KANSL1: variants seen among roughly 807,000 people sequenced by gnomAD.
The protein encoded by KANSL1 is MLL1/MLL complex subunit KANSL1.
Under a neutral mutation model 103.6 loss-of-function variants are expected in KANSL1, and 22 were observed. That is an observed-to-expected ratio of 0.21 (90% CI 0.15 to 0.30). The LOEUF is 0.30. KANSL1 is among the 10% of genes least tolerant of loss of function. The pLI is 1.00. For synonymous variants in KANSL1, 600 were observed against 527.6 expected, an observed-to-expected ratio of 1.14 and a Z score of -1.88; for missense variants, 1,337 against 1,399.8, an observed-to-expected ratio of 0.96 and a Z score of 0.72.
chr17:46,189,528 G>A (rs956457061), intron 1 of KANSL1, among the ~76,000 whole-genome samples: 3 of 152,114 alleles, frequency 2.0e-5, no homozygotes, highest in Non-Finnish European at 2.9e-5. Flanking sequence ...TAAACATGGC[G>A]TTTACTATGT....
upstream of KANSL1, among the ~76,000 whole-genome samples, chr17:46,198,784 TTA>T (rs1200022109): frequency 9.9e-5 from 15 of 152,248 alleles, no homozygotes; most frequent in Non-Finnish European, 2.2e-4. Flanking sequence ...ATTCATGAAC[TTA>T]GATAACACTA....
Position 46,192,208 on chromosome 17 carries a change from T to A in KANSL1, c.-90+615A>T, listed in dbSNP as rs2047368994. On this transcript the variant is annotated intron_variant, in intron 1 of 14. Transcript: ENST00000432791. Reference sequence around the variant, plus strand: ...TTTATCGTATGGAAAACAAACTATTTGCTAAGAATCAAAAGACCGTCAGCC... The same window carrying A: ...TTTATCGTATGGAAAACAAACTATTAGCTAAGAATCAAAAGACCGTCAGCC... 2.0e-5 allele frequency among the ~76,000 whole-genome samples: 3 copies of A among 152,046 alleles called. No homozygotes were observed. The South Asian group carries it at 6.2e-4, about 31-fold the overall frequency.
At chr17:46,222,318 G>A (rs891213012) in intron 1 of KANSL1, 17 of 148,698 alleles carry the variant, frequency 1.1e-4, no homozygotes, top group African/African-American at 3.7e-4. Context: ...AAATACATTC[G>A]TTAAAACCTA....
chr17:46,100,732 C>A (rs565546438), intron 2 of KANSL1, among the ~76,000 whole-genome samples: 3 of 152,186 alleles, frequency 2.0e-5, no homozygotes, highest in Non-Finnish European at 4.4e-5. Flanking sequence ...TCACCTAATT[C>A]TATTCTAAGA....
At chr17:46,172,863 T>C (rs1224323901) in intron 1 of KANSL1, among the ~76,000 whole-genome samples, 1 of 152,260 alleles carries the variant, frequency 6.6e-6, no homozygotes, top group African/African-American at 2.4e-5. Context: ...CCTCTCAGCC[T>C]AGGAATTTAC....
At chr17:46,173,454 C>T (rs999043584) in intron 1 of KANSL1, among the ~76,000 whole-genome samples, 5 of 152,198 alleles carry the variant, frequency 3.3e-5, no homozygotes, top group African/African-American at 1.2e-4. Context: ...TCTGTTTGAT[C>T]CCCCTTGATC....
At chr17:46,169,834 T>G (rs2046190197) in intron 2 of KANSL1, among the ~76,000 whole-genome samples, 1 of 152,172 alleles carries the variant, frequency 6.6e-6, no homozygotes, top group South Asian at 2.1e-4. Flanking sequence ...CAATTTGGAG[T>G]GCCACCCATA....
At chr17:46,074,489 T>G (rs1291221274) in intron 4 of KANSL1, among the ~76,000 whole-genome samples, 1 of 152,012 alleles carries the variant, frequency 6.6e-6, no homozygotes, top group Non-Finnish European at 1.5e-5. Context: ...AAGTCATCAG[T>G]GAACAATAAA....
At chr17:46,113,168 A>G (rs2042896874) in intron 2 of KANSL1, among the ~76,000 whole-genome samples, 1 of 152,250 alleles carries the variant, frequency 6.6e-6, no homozygotes, top group Non-Finnish European at 1.5e-5. Flanking sequence ...CGCTAACCAT[A>G]CTACAACACA....
chr17:46,030,165 A>C lies in KANSL1; in HGVS notation c.*1311T>G. ...TGTTTTTGTTTTTTTTTTCAATGCTAAAAGGGTTATTCAGAATTTTCAACC... is the reference window on the plus strand; with the variant it reads ...TGTTTTTGTTTTTTTTTTCAATGCTCAAAGGGTTATTCAGAATTTTCAACC... On this transcript the variant is annotated 3_prime_UTR_variant, in exon 15 of 15. Coordinates refer to ENST00000432791, the MANE Select transcript of KANSL1 (RefSeq NM_015443.4). 6.6e-6 allele frequency: 1 copy of C among 151,798 alleles called. No homozygotes were observed. Among genetic ancestry groups the C allele is most frequent in the Admixed American group, 6.6e-5 (1 of 15,206 alleles). 9.4% of individuals were successfully genotyped at this position (151,798 alleles called of 1,614,324 possible).
At chr17:46,150,480 T>C (rs1275282929) in intron 2 of KANSL1, among the ~76,000 whole-genome samples, 3 of 152,268 alleles carry the variant, frequency 2.0e-5, no homozygotes, top group African/African-American at 7.2e-5. Context: ...GCAGAATTTA[T>C]TTACAAGTCA....
chr17:46,219,645 C>T (rs574191293), intron 1 of KANSL1, among the ~76,000 whole-genome samples: 3 of 152,256 alleles, frequency 2.0e-5, no homozygotes, highest in Admixed American at 6.5e-5. Flanking sequence ...GGATTACAGG[C>T]GTGAGCCATC....
Position 46,034,234 on chromosome 17 carries a change from T to C in KANSL1, c.2593A>G (p.Ile865Val). ...GCAGCAACAGACATTGGGATGACAA[T>C]GTTGTTAATATCAAATGAGCTCTCT... ...RGESSFDINNIVIPMSVAATT... is the reference protein window; with the variant it reads ...RGESSFDINNVVIPMSVAATT... Residue 865 changes from isoleucine (I) to valine (V), a missense_variant, in exon 11 of 15, where the codon ATT (isoleucine) becomes GTT (valine). Physicochemically the swap from Ile to Val is conservative, Grantham distance 29 (BLOSUM62 3). Coordinates refer to ENST00000432791, the MANE Select transcript of KANSL1 (RefSeq NM_015443.4). 6.2e-7 allele frequency: 1 copy of C among 1,614,114 alleles called. No individual in the cohort carries two copies. The highest frequency in any genetic ancestry group is 8.5e-7 in the Non-Finnish European group (1 of 1,179,970).
chr17:46,033,121 C>A lies in KANSL1; in HGVS notation c.2796G>T (p.Trp932Cys). Residue 932 changes from tryptophan (W) to cysteine (C), a missense_variant, in exon 13 of 15, where the codon TGG (tryptophan) becomes TGT (cysteine). Physicochemically the swap from Trp to Cys is radical, Grantham distance 215 (BLOSUM62 -2). Around this residue, in one of 2 missense-constraint regions of KANSL1, gnomAD observed 780 missense variants for 923.4 expected, o/e 0.84. Coordinates refer to ENST00000432791, the MANE Select transcript of KANSL1 (RefSeq NM_015443.4). Reference protein sequence around the residue: ...AKCEEMERARWLWTTSVPPQR... With the variant: ...AKCEEMERARCLWTTSVPPQR... ...GGGGTGGCACACTCGTGGTCCACAG[C>A]CACCGTGCCCTCTCCATCTCCTCAC... 1 of 1,602,030 alleles carries A rather than the reference C, an allele frequency of 6.2e-7. No individual in the cohort carries two copies. The highest frequency in any genetic ancestry group is 8.5e-7 in the Non-Finnish European group (1 of 1,173,970).
At chr17:46,070,932 CCATTCTCTA>C (rs1337796244) in intron 4 of KANSL1, among the ~76,000 whole-genome samples, 2 of 152,064 alleles carry the variant, frequency 1.3e-5, no homozygotes, top group East Asian at 3.8e-4. Context: ...TAAAATGTTG[CCATTCTCTA>C]ACAAAGTCTC....
intron 1 of KANSL1, among the ~76,000 whole-genome samples, chr17:46,189,786 A>G (rs1269439333): frequency 6.6e-6 from 1 of 152,056 alleles, no homozygotes; most frequent in Non-Finnish European, 1.5e-5. Context: ...ACATGCCTGT[A>G]GTCCCTGCTA....
In KANSL1 at chr17:46,062,126, A is replaced by C. The variant is rs1451020111; in HGVS notation, c.1848+4411T>G. Among the ~76,000 whole-genome samples the C allele has an allele frequency of 2.9e-4, 39 of 136,644 alleles. 1 individual carries two copies. Among genetic ancestry groups the C allele is most frequent in the African/African-American group, 1.0e-3 (39 of 38,668 alleles). The allele number at this position is 136,644 out of a possible 152,430, so 89.6% of individuals were successfully genotyped here. A position where few individuals can be genotyped will look rare whatever the true frequency, so the allele number is the denominator to read the frequency against. ...AAAAAAAAACAAACAAACAAAAAAA[A>C]AAAAAAAACATGTTACAGCAGATTT... is the stretch of plus-strand genomic sequence containing the variant. On this transcript the variant is annotated intron_variant, in intron 6 of 14. Coordinates refer to ENST00000432791, the MANE Select transcript of KANSL1 (RefSeq NM_015443.4).
chr17:46,081,629 C>T (rs1470789837), intron 4 of KANSL1, among the ~76,000 whole-genome samples: 1 of 152,172 alleles, frequency 6.6e-6, no homozygotes, highest in Non-Finnish European at 1.5e-5. Context: ...CCACATCATG[C>T]GTTCCTGCTA....
intron 3 of KANSL1, among the ~76,000 whole-genome samples, chr17:46,090,956 TTACTA>T (rs1324709894): frequency 2.0e-5 from 3 of 152,246 alleles, no homozygotes; most frequent in African/African-American, 7.2e-5. Context: ...TGTTATGTAT[TTACTA>T]TACTATACTT....
Sources: gnomAD v4.1 joint callset for allele counts (sites outside exome capture counted in the v4.1 genomes callset) on GRCh38, gnomAD v4.1.1 for gene constraint, gnomAD v4.1.1 regional missense constraint, MANE v1.5 for transcripts, NCBI Gene and HGNC (gene_info 2026-07-23, HGNC 2026-07-21) for gene names.